Variants in SUPT5H observed in about 807,000 individuals in gnomAD.
SUPT5H encodes the protein SPT5 homolog, DSIF elongation factor subunit, also known as transcription elongation factor SPT5.
Under a neutral mutation model 142.5 loss-of-function variants are expected in SUPT5H, and 24 were observed. The ratio of observed to expected loss-of-function variants is 0.17; its 90% CI spans 0.12 to 0.24. The LOEUF is 0.24. SUPT5H is among the 10% of genes least tolerant of loss of function. The pLI is 1.00. For synonymous variants in SUPT5H, 546 were observed against 553.0 expected (o/e 0.99, Z 0.18); for missense variants, 893 against 1,471.8 (o/e 0.61, Z 6.43).
chr19:39,469,571 G>T lies in SUPT5H; in HGVS notation c.1374+173G>T. 1 of 910,296 alleles carries T rather than the reference G, an allele frequency of 1.1e-6. No homozygotes were observed. The highest frequency in any genetic ancestry group is 2.7e-5 in the East Asian group (1 of 37,670). 56.4% of individuals were successfully genotyped at this position (910,296 alleles called of 1,614,324 possible). A position where few individuals can be genotyped will look rare whatever the true frequency, so the allele number is the denominator to read the frequency against. On this transcript the variant is annotated intron_variant, in intron 16 of 29. Transcript: ENST00000432763. The surrounding 1 kb of genome is among the most constrained non-coding windows in gnomAD (Gnocchi z 5.1). ...CTCTGTCTGAGTGCAGCTCAGGGTC[G>T]GTGGGCAGCAGGCCTGCCTGGTGGT...
intron 2 of SUPT5H, among the ~76,000 whole-genome samples, chr19:39,446,295 C>G (rs903459074): frequency 6.6e-6 from 1 of 151,954 alleles, no homozygotes. Context: ...GTACCAGGCG[C>G]AATTCTTTGC....
Position 39,458,180 on chromosome 19 carries a change from C to A in SUPT5H, c.308-114C>A. On this transcript the variant is annotated intron_variant, in intron 4 of 29. Transcript: ENST00000432763. This position sits in a 1 kb window ranked among gnomAD's most constrained non-coding sequence, Gnocchi z 4.2. ...TGTCCCTCCCTTCCCCTCCCCCAAC[C>A]CATTGGTTGATTTTGCTGCTATAAT... The A allele has an allele frequency of 6.7e-7, 1 of 1,502,816 alleles. No individual in the cohort carries two copies. Among genetic ancestry groups the A allele is most frequent in the Non-Finnish European group, 8.9e-7 (1 of 1,124,834 alleles). The allele number at this position is 1,502,816 out of a possible 1,614,324, so 93.1% of individuals were successfully genotyped here.
rs779671752 is a variant in SUPT5H at position 39,468,851 on chromosome 19, T to C, written c.1133T>C (p.Met378Thr). The C allele has an allele frequency of 1.2e-6, 2 of 1,614,136 alleles. No individual in the cohort carries two copies. Among genetic ancestry groups the C allele is most frequent in the East Asian group, 4.5e-5 (2 of 44,868 alleles). ...RKGFLFKSFA[M>T]SAVITEGVKP... is the part of the protein sequence containing the mutation. ...GGCTTTCTGTTCAAGAGCTTCGCCA[T>C]GTCTGCTGTGGTGAGGGTCCCAGAG... The change falls in exon 14 of 30, where the codon ATG becomes ACG. Residue 378 changes from methionine to threonine, a missense_variant. By Grantham distance (81) the Met-to-Thr change is moderately conservative (BLOSUM62 -1). Transcript: ENST00000432763.
intron 10 of SUPT5H, among the ~76,000 whole-genome samples, chr19:39,461,354 G>A (rs1192101075): frequency 6.6e-6 from 1 of 151,988 alleles, no homozygotes; most frequent in Non-Finnish European, 1.5e-5. Context: ...GCCTGTCATG[G>A]GTGAGATTGG....
At chr19:39,450,268 A>G (rs2079004350) in intron 2 of SUPT5H, among the ~76,000 whole-genome samples, 1 of 151,802 alleles carries the variant, frequency 6.6e-6, no homozygotes, top group Non-Finnish European at 1.5e-5. Context: ...TGAAGTGTGA[A>G]TGGGAGGCAC....
Position 39,471,423 on chromosome 19 carries a change from C to G in SUPT5H, c.1744C>G (p.Arg582Gly). 6.2e-7 allele frequency: 1 copy of G among 1,614,196 alleles called. No individual in the cohort carries two copies. Among genetic ancestry groups the G allele is most frequent in the East Asian group, 2.2e-5 (1 of 44,880 alleles). The change falls in exon 19 of 30, where the codon CGC (arginine) becomes GGC (glycine). Residue 582 changes from arginine (R) to glycine (G), a missense_variant. By Grantham distance (125) the Arg-to-Gly change is moderately radical. Transcript: ENST00000432763. ...HQAVTRKKDN[R>G]FAVALDSEQN... ...GGCTGTGACCCGGAAGAAGGACAACCGCTTTGCTGTGGCCTTGGACTCAGA... is the reference window on the plus strand; with the variant it reads ...GGCTGTGACCCGGAAGAAGGACAACGGCTTTGCTGTGGCCTTGGACTCAGA...
chr19:39,447,505 C>T (rs992310461), intron 2 of SUPT5H, among the ~76,000 whole-genome samples: 4 of 141,184 alleles, frequency 2.8e-5, no homozygotes, highest in African/African-American at 1.1e-4. Flanking sequence ...GGTTGGAGTG[C>T]AGTGGCATGA....
intron 2 of SUPT5H, among the ~76,000 whole-genome samples, chr19:39,448,091 A>G (rs903465266): frequency 1.3e-5 from 2 of 152,082 alleles, no homozygotes; most frequent in African/African-American, 4.8e-5. Context: ...ACAGCTGGGA[A>G]TTTTCTCCAG....
chr19:39,473,919 G>T lies in SUPT5H; in HGVS notation c.2493-44G>T, dbSNP rs774262898. The T allele has an allele frequency of 6.2e-7, 1 of 1,612,952 alleles. No homozygotes were observed. The highest frequency in any genetic ancestry group is 1.3e-5 in the African/African-American group (1 of 74,880). On this transcript the variant is annotated intron_variant, in intron 25 of 29. Transcript: ENST00000432763. The surrounding 1 kb of genome is among the most constrained non-coding windows in gnomAD (Gnocchi z 5.8). ...GGGTGCTGTTCTGGAAGCATCCATC[G>T]CATTATCACCACAGTCGCTGTCAAC...
rs2079380368 is a variant in SUPT5H at position 39,474,856 on chromosome 19, G to A, written c.3024+138G>A. ...TGAGGAAGCCTAGAGGGCAAGGGGA[G>A]CTATGTGAACCCAAAGGAGGCATCT... is the stretch of plus-strand genomic sequence containing the variant. On this transcript the variant is annotated intron_variant, in intron 28 of 29. Transcript: ENST00000432763. The surrounding 1 kb of genome is among the most constrained non-coding windows in gnomAD (Gnocchi z 6.5). The A allele has an allele frequency of 1.2e-5, 12 of 983,804 alleles. No homozygotes were observed. In the South Asian group the frequency reaches 1.6e-4, roughly 13 times the overall value. The allele number at this position is 983,804 out of a possible 1,614,324, so 60.9% of individuals were successfully genotyped here.
At chr19:39,464,709 T>C in intron 10 of SUPT5H, 89 bp from the exon 11 acceptor site, 1 of 1,510,088 alleles carries the variant, frequency 6.6e-7, no homozygotes, top group South Asian at 1.3e-5. Flanking sequence ...AATAAATTCC[T>C]AGAAGAGGGA....
At chr19:39,465,130 T>A (rs1273476716) in intron 11 of SUPT5H, 81 bp downstream of exon 11, 5 of 1,532,264 alleles carry the variant, frequency 3.3e-6, no homozygotes, top group Non-Finnish European at 4.4e-6. Flanking sequence ...TCCCACCCTC[T>A]TTGTGCTGCA....
chr19:39,473,537 C>G lies in SUPT5H; in HGVS notation c.2492+16C>G. ...CGCCGTCACGGTGAGTCCAGGGTTC[C>G]CCAGGTTCTGGTGTGTGCTGGTGTG... On this transcript the variant is annotated intron_variant, in intron 25 of 29. Coordinates refer to ENST00000432763, the MANE Select transcript of SUPT5H (RefSeq NM_001111020.3). The surrounding 1 kb of genome is among the most constrained non-coding windows in gnomAD (Gnocchi z 5.8). 3.1e-6 allele frequency: 5 copies of G among 1,604,816 alleles called. No homozygotes were observed. Among genetic ancestry groups the G allele is most frequent in the Non-Finnish European group, 4.2e-6 (5 of 1,178,692 alleles).
rs769529833 is a variant in SUPT5H, at chr19:39,446,005, G to A, written c.75+40G>A. 31 of 1,596,022 alleles carry A rather than the reference G, an allele frequency of 1.9e-5. 1 individual carries two copies. The South Asian group carries it at 3.4e-4, about 17-fold the overall frequency. Reference sequence around the variant, plus strand: ...CGCTGGGGGAGACATTGCGTCTGGGGACAGGACTCCGGGCAGAAAGGCCCC... The same window carrying A: ...CGCTGGGGGAGACATTGCGTCTGGGAACAGGACTCCGGGCAGAAAGGCCCC... On this transcript the variant is annotated intron_variant, in intron 2 of 29. Transcript: ENST00000432763.
At position 39,476,280 on chromosome 19, in the gene SUPT5H, CGGGAAGCCACG is replaced by C. The variant is rs1568436258; in HGVS notation, c.3148_3158del (p.Glu1050ArgfsTer6). The C allele has an allele frequency of 6.2e-7, 1 of 1,614,054 alleles. No individual in the cohort carries two copies. Among genetic ancestry groups the C allele is most frequent in the African/African-American group, 1.3e-5 (1 of 74,994 alleles). On this transcript the variant is annotated frameshift_variant, in exon 30 of 30. Transcript: ENST00000432763. LOFTEE classifies it high-confidence loss of function. ...GGTGAAAGTGATCCTGGGCGAGGAT[CGGGAAGCCACG>C]GGCGTCCTACTGAGCATTGATGGTG...
chr19:39,459,770 A>T, intron 9 of SUPT5H, 122 bp from the exon 10 acceptor site: 1 of 1,253,728 alleles, frequency 8.0e-7, no homozygotes, highest in Non-Finnish European at 1.2e-6. Flanking sequence ...CTGGCTGTCC[A>T]TCCTTCTTTC....
Position 39,458,367 on chromosome 19 carries a change from C to G in SUPT5H, c.319+62C>G. ...CCCATATCCTGACATTTCCTCCTTC[C>G]TGAGGCACCTGCCCTCACCGGTAGC... On this transcript the variant is annotated intron_variant, in intron 5 of 29. Transcript: ENST00000432763. This position sits in a 1 kb window ranked among gnomAD's most constrained non-coding sequence, Gnocchi z 4.2. 6.2e-7 allele frequency: 1 copy of G among 1,605,654 alleles called. No homozygotes were observed. Among genetic ancestry groups the G allele is most frequent in the Non-Finnish European group, 8.5e-7 (1 of 1,175,564 alleles).
At chr19:39,457,254 C>G (rs558404043) in intron 3 of SUPT5H, among the ~76,000 whole-genome samples, 19 of 152,130 alleles carry the variant, frequency 1.2e-4, no homozygotes, top group Non-Finnish European at 2.2e-4. Flanking sequence ...GTCAGGTACT[C>G]AGAACAGGGC....
At chr19:39,471,547 G>C in intron 19 of SUPT5H, 44 bp downstream of exon 19, 2 of 1,613,878 alleles carry the variant, frequency 1.2e-6, no homozygotes. Flanking sequence ...GAAAGAATTT[G>C]GTTGGTTGGG....
Sources: gnomAD v4.1 joint callset for allele counts (sites outside exome capture counted in the v4.1 genomes callset) on GRCh38, gnomAD v4.1.1 for gene constraint, Gnocchi (gnomAD v3.1) non-coding constraint, MANE v1.5 for transcripts, NCBI Gene and HGNC (gene_info 2026-07-23, HGNC 2026-07-21) for gene names.